C9orf50: variants seen among roughly 807,000 people sequenced by gnomAD.
C9orf50 encodes the protein chromosome 9 open reading frame 50.
C9orf50 carries 33 observed loss-of-function variants against 42.5 expected under a neutral mutation model. The observed-to-expected ratio is 0.78, with a 90% CI of 0.59 to 1.04. C9orf50 has a LOEUF of 1.04. Ranked by LOEUF, C9orf50 falls within the 50% of genes least tolerant of loss-of-function variation. The pLI, the probability that C9orf50 is intolerant of heterozygous loss-of-function variation, is 0.00. For missense variants in C9orf50, 547 were observed against 594.3 expected, an observed-to-expected ratio of 0.92 and a Z score of 0.83; for synonymous variants, 257 against 273.4, an observed-to-expected ratio of 0.94 and a Z score of 0.59.
chr9:129,616,168 A>T (rs1830367377), intron 3 of C9orf50, among the ~76,000 whole-genome samples: 1 of 152,206 alleles, frequency 6.6e-6, no homozygotes, highest in Non-Finnish European at 1.5e-5. Flanking sequence ...CATCCAGCCC[A>T]GGGTCTGCAG....
chr9:129,615,217 A>G (rs1419212945), intron 4 of C9orf50, among the ~76,000 whole-genome samples: 1 of 152,168 alleles, frequency 6.6e-6, no homozygotes, highest in African/African-American at 2.4e-5. Flanking sequence ...GGGCAGATAC[A>G]GCATATGGGA....
At chr9:129,615,574 G>C in exon 4 of C9orf50, 1 of 1,608,490 alleles carries the variant, frequency 6.2e-7, no homozygotes, top group Non-Finnish European at 8.5e-7. Flanking sequence ...TGCCTGCAGG[G>C]CCTAGAGCCT....
Position 129,620,578 on chromosome 9 carries a change from T to C in C9orf50, c.-4A>G. ...GGCGAAGTCGACGCCAGAACATGCT[T>C]GGCCCCGCACTCAGCTCACCGCACC... is the stretch of plus-strand genomic sequence containing the variant. On this transcript the variant is annotated 5_prime_UTR_variant, in exon 1 of 7. Transcript: ENST00000372478. The surrounding 1 kb of genome is among the most constrained non-coding windows in gnomAD (Gnocchi z 5.8). 1 of 1,357,950 alleles carries C rather than the reference T, an allele frequency of 7.4e-7. No individual in the cohort carries two copies. Among genetic ancestry groups the C allele is most frequent in the East Asian group, 2.8e-5 (1 of 35,818 alleles). 84.1% of individuals were successfully genotyped at this position (1,357,950 alleles called of 1,614,324 possible).
chr9:129,619,320 G>C (rs557484357), intron 3 of C9orf50, among the ~76,000 whole-genome samples, 200 bp downstream of exon 3: 10 of 152,238 alleles, frequency 6.6e-5, no homozygotes, highest in Non-Finnish European at 1.0e-4. Context: ...ATTAATGGAT[G>C]GGTTGATTCA....
Position 129,620,433 on chromosome 9 carries a change from C to G in C9orf50, c.142G>C (p.Gly48Arg), listed in dbSNP as rs1830636032. 6 of 1,267,598 alleles carry G rather than the reference C, an allele frequency of 4.7e-6. No individual in the cohort carries two copies. In the East Asian group the frequency reaches 1.9e-4, roughly 40 times the overall value. The allele number at this position is 1,267,598 out of a possible 1,614,324, so 78.5% of individuals were successfully genotyped here. The change falls in exon 1 of 7, where the codon GGC becomes CGC. Residue 48 changes from glycine to arginine, a missense_variant. Physicochemically the swap from Gly to Arg is moderately radical, Grantham distance 125. Around this residue, in one of 3 missense-constraint regions of C9orf50, gnomAD observed 105 missense variants for 98.5 expected, o/e 1.07. Transcript: ENST00000372478. The surrounding 1 kb of genome is among the most constrained non-coding windows in gnomAD (Gnocchi z 5.8). ...CCCGGGATCCTCCAGTCCCCGGAGC[C>G]CCGCGCGCCCAGAGCCGCTCGGAGC...
At chr9:129,621,623 C>T (rs897473299), upstream of C9orf50, among the ~76,000 whole-genome samples, 8 of 152,212 alleles carry the variant, frequency 5.3e-5, no homozygotes, top group African/African-American at 1.9e-4. Context: ...TTGCCTTGGC[C>T]TCCCAAAGTG....
rs766245699 is a variant in C9orf50, at chr9:129,615,591, G to T, written c.773C>A (p.Ser258Ter). 1 of 1,605,624 alleles carries T rather than the reference G, an allele frequency of 6.2e-7. No homozygotes were observed. The highest frequency in any genetic ancestry group is 1.1e-5 in the South Asian group (1 of 90,522). ...CCTGCAGGGCCTAGAGCCTTCCCCC[G>T]AGGGGTTGTGGGTCAGCGCAGCCTT... Residue 258 changes from serine (S) to a stop codon, truncating the protein, a stop_gained, in exon 4 of 7, where the codon TCG (serine) becomes TAG (stop). Coordinates refer to ENST00000372478, the Ensembl canonical transcript of C9orf50. LOFTEE classifies it high-confidence loss of function.
exon 7 of C9orf50, chr9:129,612,239 C>T: frequency 1.1e-6 from 1 of 880,674 alleles, no homozygotes; most frequent in Admixed American, 2.2e-5. Context: ...GGTGTGACAC[C>T]TACTGGCAGG....
rs80350763 is a variant in C9orf50, at chr9:129,613,131, C to T, written c.1164G>A (p.Leu388=). 1 of 1,613,912 alleles carries T rather than the reference C, an allele frequency of 6.2e-7. No individual in the cohort carries two copies. The highest frequency in any genetic ancestry group is 8.5e-7 in the Non-Finnish European group (1 of 1,180,004). Residue 388 remains leucine, a synonymous_variant, in exon 6 of 7, where the codon TTG becomes TTA. Coordinates refer to ENST00000372478, the Ensembl canonical transcript of C9orf50. This position sits in a 1 kb window ranked among gnomAD's most constrained non-coding sequence, Gnocchi z 6.2. Reference sequence around the variant, plus strand: ...CCTGCTCCAGGTTTCTGTGCGGGTCCAAGAAGGCTCGGAGGCTGCTTCGCG... The same window carrying T: ...CCTGCTCCAGGTTTCTGTGCGGGTCTAAGAAGGCTCGGAGGCTGCTTCGCG...
At chr9:129,612,250 T>C in exon 7 of C9orf50, 1 of 1,032,560 alleles carries the variant, frequency 9.7e-7, no homozygotes, top group Non-Finnish European at 1.4e-6. Flanking sequence ...TACTGGCAGG[T>C]CCCAGCCACC....
At chr9:129,617,367 G>A (rs956791111) in intron 3 of C9orf50, among the ~76,000 whole-genome samples, 3 of 152,180 alleles carry the variant, frequency 2.0e-5, no homozygotes, top group Non-Finnish European at 4.4e-5. Context: ...GCTGGCTGCT[G>A]GGCCAGGCAA....
chr9:129,612,296 G>T, exon 7 of C9orf50: 1 of 1,476,362 alleles, frequency 6.8e-7, no homozygotes. Flanking sequence ...AAGGAAGGAC[G>T]CTCCTCATTG....
At chr9:129,615,623 G>A (rs1467437452) in exon 4 of C9orf50, 8 of 1,585,290 alleles carry the variant, frequency 5.0e-6, no homozygotes, top group Non-Finnish European at 6.8e-6. Flanking sequence ...CCTTGAGCCT[G>A]GGGACCTGTG....
rs1028312672 is a variant in C9orf50, at chr9:129,614,732, G to A, written c.880+752C>T. 2.0e-5 allele frequency among the ~76,000 whole-genome samples: 3 copies of A among 151,950 alleles called. No individual in the cohort carries two copies. The highest frequency in any genetic ancestry group is 2.9e-5 in the Non-Finnish European group (2 of 67,994). On this transcript the variant is annotated intron_variant, in intron 4 of 6. Coordinates refer to ENST00000372478, the Ensembl canonical transcript of C9orf50. The surrounding 1 kb of genome is among the most constrained non-coding windows in gnomAD (Gnocchi z 4.4). ...ACCCTGGTCAACATGGAGAAACCCC[G>A]TCTCTACTAAAAATACAAAATTAGC...
At chr9:129,619,926 G>T in intron 1 of C9orf50, 96 bp from the exon 2 acceptor site, 1 of 1,491,858 alleles carries the variant, frequency 6.7e-7, no homozygotes, top group East Asian at 2.3e-5. Flanking sequence ...CCTCAAGGAC[G>T]GGTTGCGAGG....
intron 3 of C9orf50, 138 bp downstream of exon 3, chr9:129,619,382 C>G (rs952645966): frequency 1.6e-5 from 11 of 687,296 alleles, no homozygotes; most frequent in East Asian, 2.5e-5. Flanking sequence ...ATCTGATTCA[C>G]GGACAGCCAT....
exon 4 of C9orf50, chr9:129,615,515 T>G (rs926811210): frequency 6.2e-7 from 1 of 1,608,874 alleles, no homozygotes; most frequent in East Asian, 2.2e-5. Context: ...AGCGGAGCGT[T>G]GTGTCCTGCA....
Position 129,614,455 on chromosome 9 carries a change from A to G in C9orf50, c.881-858T>C, listed in dbSNP as rs1298049127. ...TGAAACTGCACATAGTGGGTGCTCAATAAACAGCTAGAGGACATTGACTGT... is the reference window on the plus strand; with the variant it reads ...TGAAACTGCACATAGTGGGTGCTCAGTAAACAGCTAGAGGACATTGACTGT... On this transcript the variant is annotated intron_variant, in intron 4 of 6. Transcript: ENST00000372478. This position sits in a 1 kb window ranked among gnomAD's most constrained non-coding sequence, Gnocchi z 4.4. Among the ~76,000 whole-genome samples, 3 of 152,220 alleles carry G rather than the reference A, an allele frequency of 2.0e-5. No homozygotes were observed. Among genetic ancestry groups the G allele is most frequent in the African/African-American group, 7.2e-5 (3 of 41,462 alleles).
At chr9:129,615,367 T>C in intron 4 of C9orf50, 117 bp downstream of exon 4, 1 of 1,121,622 alleles carries the variant, frequency 8.9e-7, no homozygotes, top group Non-Finnish European at 1.2e-6. Context: ...GCAGGATCAC[T>C]GATCTCTTGG....
Sources: gnomAD v4.1 joint callset for allele counts (sites outside exome capture counted in the v4.1 genomes callset) on GRCh38, gnomAD v4.1.1 for gene constraint, gnomAD v4.1.1 regional missense constraint, Gnocchi (gnomAD v3.1) non-coding constraint, MANE v1.5 for transcripts, NCBI Gene and HGNC (gene_info 2026-07-23, HGNC 2026-07-21) for gene names.